RIMS2: variants seen among roughly 807,000 people sequenced by gnomAD.
RIMS2 encodes regulating synaptic membrane exocytosis protein 2.
Under a neutral mutation model 174.4 loss-of-function variants are expected in RIMS2, and 59 were observed. The ratio of observed to expected loss-of-function variants is 0.34; its 90% CI spans 0.27 to 0.42. The LOEUF (loss-of-function observed/expected upper bound fraction) is 0.42, where lower values mean the gene tolerates loss of function less well. RIMS2 is among the 10% of genes least tolerant of loss of function. The probability of loss-of-function intolerance (pLI) is 1.00; values close to 1 mark genes in which losing one functional copy is unlikely to be tolerated. For missense variants in RIMS2, 1,620 were observed against 1,666.3 expected, an observed-to-expected ratio of 0.97 and a Z score of 0.48; for synonymous variants, 606 against 572.5, an observed-to-expected ratio of 1.06 and a Z score of -0.84.
At chr8:103,560,406 G>A (rs1285629350) in intron 1 of RIMS2, among the ~76,000 whole-genome samples, 2 of 152,026 alleles carry the variant, frequency 1.3e-5, no homozygotes, top group African/African-American at 4.8e-5. Context: ...AAATAGCTAA[G>A]TTTAGACTTG....
chr8:103,720,583 A>G (rs1272638836), intron 2 of RIMS2, among the ~76,000 whole-genome samples: 2 of 152,196 alleles, frequency 1.3e-5, no homozygotes, highest in African/African-American at 2.4e-5. Context: ...ACAAGTTTAT[A>G]TATTACTACT....
chr8:104,023,716 G>C (rs2096173657), intron 19 of RIMS2, among the ~76,000 whole-genome samples: 1 of 152,078 alleles, frequency 6.6e-6, no homozygotes, highest in Non-Finnish European at 1.5e-5. Context: ...GGTGTGGACT[G>C]TAGCTATAAA....
chr8:104,067,887 A>T (rs570023786), intron 19 of RIMS2, among the ~76,000 whole-genome samples: 136 of 151,904 alleles, frequency 9.0e-4, no homozygotes, highest in Non-Finnish European at 1.0e-3. Flanking sequence ...CTATATTCTA[A>T]TTTTTTTTAT....
At chr8:103,539,291 C>T (rs1841402130) in intron 1 of RIMS2, among the ~76,000 whole-genome samples, 1 of 152,204 alleles carries the variant, frequency 6.6e-6, no homozygotes, top group Non-Finnish European at 1.5e-5. Context: ...CCAAACACTT[C>T]TGACTGGCAT....
intron 3 of RIMS2, chr8:103,819,498 A>G (rs2098738074): frequency 6.2e-7 from 1 of 1,611,904 alleles, no homozygotes; most frequent in Non-Finnish European, 8.5e-7. Context: ...GGGAAAAAAA[A>G]AGAAAGAAAA....
chr8:103,751,565 A>C (rs543593825), intron 2 of RIMS2, among the ~76,000 whole-genome samples: 1 of 151,604 alleles, frequency 6.6e-6, no homozygotes, highest in Non-Finnish European at 1.5e-5. Context: ...TCCCACCAAC[A>C]GTGTAAAAGT....
At chr8:103,732,558 T>G (rs2097616523) in intron 2 of RIMS2, among the ~76,000 whole-genome samples, 1 of 152,096 alleles carries the variant, frequency 6.6e-6, no homozygotes, top group African/African-American at 2.4e-5. Context: ...CAATCCTGGG[T>G]GGGTCCAGAG....
At chr8:104,123,861 C>A (rs1165885622) in intron 19 of RIMS2, among the ~76,000 whole-genome samples, 1 of 151,994 alleles carries the variant, frequency 6.6e-6, no homozygotes. Flanking sequence ...AAAGTTAAAT[C>A]AGCTAATTTC....
chr8:103,587,468 G>GAAAGAA (rs35539559), intron 1 of RIMS2, among the ~76,000 whole-genome samples: 1 of 96,344 alleles, frequency 1.0e-5, no homozygotes, highest in Non-Finnish European at 2.2e-5. Flanking sequence ...AAGAAAGAAA[G>GAAAGAA]AAACTATGCA....
At chr8:103,524,750 C>T (rs773064128) in intron 1 of RIMS2, among the ~76,000 whole-genome samples, 1 of 148,610 alleles carries the variant, frequency 6.7e-6, no homozygotes, top group Non-Finnish European at 1.5e-5. Flanking sequence ...GATGCTGGAG[C>T]CTGCAGTCAC....
intron 8 of RIMS2, 117 bp from the exon 12 acceptor site, chr8:103,918,324 T>G: frequency 1.7e-6 from 1 of 578,454 alleles, no homozygotes; most frequent in South Asian, 3.1e-5. Flanking sequence ...GCCACTATTA[T>G]ACACAGTTTT....
intron 19 of RIMS2, among the ~76,000 whole-genome samples, chr8:104,076,978 A>G (rs1192760711): frequency 6.6e-6 from 1 of 151,854 alleles, no homozygotes; most frequent in Non-Finnish European, 1.5e-5. Context: ...CACCACACCC[A>G]GCTAATTTTT....
chr8:104,178,357 C>T lies in RIMS2; in HGVS notation c.3335-66559C>T, dbSNP rs1044536011. 3.9e-5 allele frequency among the ~76,000 whole-genome samples: 6 copies of T among 152,274 alleles called. No homozygotes were observed. The South Asian group carries it at 6.2e-4, about 16-fold the overall frequency. On this transcript the variant is annotated intron_variant, in intron 19 of 23. Transcript: ENST00000504942. Reference sequence around the variant, plus strand: ...TAGAGCTGGCCTGCATTACTTGGCTCATGGGACCCTTCCATTTTCAAAGCC... The same window carrying T: ...TAGAGCTGGCCTGCATTACTTGGCTTATGGGACCCTTCCATTTTCAAAGCC...
intron 5 of RIMS2, 62 bp downstream of exon 8, chr8:103,910,591 A>T: frequency 1.1e-6 from 1 of 903,298 alleles, no homozygotes; most frequent in Non-Finnish European, 1.7e-6. Context: ...GCTCTCTGTC[A>T]CTCATTAAAA....
At chr8:104,040,918 T>C (rs2096598047) in intron 19 of RIMS2, among the ~76,000 whole-genome samples, 1 of 151,740 alleles carries the variant, frequency 6.6e-6, no homozygotes, top group Non-Finnish European at 1.5e-5. Context: ...TTTCTTCAGA[T>C]AATTAAAAGT....
intron 15 of RIMS2, among the ~76,000 whole-genome samples, chr8:103,968,787 A>G (rs1180430341): frequency 6.6e-6 from 1 of 152,058 alleles, no homozygotes; most frequent in Non-Finnish European, 1.5e-5. Flanking sequence ...ACCTTCATTT[A>G]TTCCTTTTTC....
At chr8:103,792,910 T>A (rs1252044991) in intron 3 of RIMS2, among the ~76,000 whole-genome samples, 1 of 151,970 alleles carries the variant, frequency 6.6e-6, no homozygotes, top group South Asian at 2.1e-4. Flanking sequence ...AATAGACCAA[T>A]AACAGGCTCT....
intron 19 of RIMS2, among the ~76,000 whole-genome samples, chr8:104,023,884 A>G (rs2154555321): frequency 6.6e-6 from 1 of 152,278 alleles, no homozygotes; most frequent in East Asian, 1.9e-4. Context: ...CCAGAGATGA[A>G]AAAAGTGGGA....
At chr8:104,094,494 G>A (rs1288328798) in intron 19 of RIMS2, 1 of 679,610 alleles carries the variant, frequency 1.5e-6, no homozygotes, top group South Asian at 1.6e-5. Flanking sequence ...GGGAATAGAA[G>A]AGGGAGGGAA....
Sources: allele counts gnomAD v4.1 joint callset (sites outside exome capture counted in the v4.1 genomes callset), GRCh38; gene constraint gnomAD v4.1.1; transcripts MANE v1.5; gene names NCBI Gene and HGNC (gene_info 2026-07-23, HGNC 2026-07-21).